The following SLC25A48 variants were observed in gnomAD, a reference collection of about 807,000 sequenced individuals.
The protein encoded by SLC25A48 is CTC-321K16.1.
In SLC25A48, 29 loss-of-function variants were observed where a neutral mutation model predicts 32.2. The observed-to-expected ratio is 0.90, with a 90% CI of 0.67 to 1.23. SLC25A48 has a LOEUF of 1.23. Among genes scored for constraint, SLC25A48 ranks in the 50% most tolerant of loss-of-function variants. The probability of loss-of-function intolerance (pLI) is 0.00; values close to 1 mark genes in which losing one functional copy is unlikely to be tolerated. For synonymous variants in SLC25A48, 164 were observed against 172.3 expected (o/e 0.95, Z 0.38); for missense variants, 399 against 422.7 (o/e 0.94, Z 0.49).
rs1481298172 is a variant in SLC25A48 at position 135,621,715 on chromosome 5, C to T, written c.-848-7522C>T. Among the ~76,000 whole-genome samples, 4 of 152,144 alleles carry T rather than the reference C, an allele frequency of 2.6e-5. No individual in the cohort carries two copies. The East Asian group carries it at 7.7e-4, about 29-fold the overall frequency. Reference sequence around the variant, plus strand: ...ACTAAAAAAAAAAATTAGGTTCTTTCACTATATCGGTGTTTTTCAAAGGTG... The same window carrying T: ...ACTAAAAAAAAAAATTAGGTTCTTTTACTATATCGGTGTTTTTCAAAGGTG... On this transcript the variant is annotated intron_variant, in intron 1 of 10. Coordinates refer to the SLC25A48 transcript ENST00000646290.
intron 3 of SLC25A48, among the ~76,000 whole-genome samples, chr5:135,674,729 T>TA (rs1753728868): frequency 6.6e-6 from 1 of 152,084 alleles, no homozygotes; most frequent in Non-Finnish European, 1.5e-5. Context: ...ACATTTTCTT[T>TA]ATCCATTTGT....
intron 4 of SLC25A48, among the ~76,000 whole-genome samples, chr5:135,869,297 A>G (rs762325542): frequency 1.1e-4 from 16 of 152,250 alleles, no homozygotes; most frequent in Non-Finnish European, 1.9e-4. Context: ...AGTCACCATG[A>G]TAATTATACT....
chr5:135,778,888 G>A (rs1756644902), intron 3 of SLC25A48, among the ~76,000 whole-genome samples: 1 of 102,780 alleles, frequency 9.7e-6, no homozygotes, highest in African/African-American at 3.9e-5. Flanking sequence ...GGTGGTTGCA[G>A]GCTGGTATTA....
At chr5:135,878,918 C>G (rs540426845) in intron 6 of SLC25A48, among the ~76,000 whole-genome samples, 1 of 152,276 alleles carries the variant, frequency 6.6e-6, no homozygotes, top group East Asian at 1.9e-4. Context: ...TCATCATTTT[C>G]TGGGTCATGT....
chr5:135,580,089 C>A (rs7716492), intron 1 of SLC25A48, among the ~76,000 whole-genome samples: 48,093 of 152,104 alleles, frequency 0.32, 8,709 homozygotes, highest in African/African-American at 0.49. Flanking sequence ...TGATTCTTAC[C>A]AATTGGTACT....
chr5:135,639,871 C>G (rs1752792685), intron 3 of SLC25A48, among the ~76,000 whole-genome samples: 1 of 152,168 alleles, frequency 6.6e-6, no homozygotes. Flanking sequence ...GATTCCCAAA[C>G]AGTGGGAACA....
At chr5:135,581,643 T>C (rs1751237236) in intron 1 of SLC25A48, among the ~76,000 whole-genome samples, 1 of 152,252 alleles carries the variant, frequency 6.6e-6, no homozygotes, top group Non-Finnish European at 1.5e-5. Flanking sequence ...TCTAGAAATA[T>C]GGACCAACGT....
intron 2 of SLC25A48, among the ~76,000 whole-genome samples, chr5:135,634,586 A>G (rs1279163917): frequency 1.3e-5 from 2 of 152,202 alleles, no homozygotes; most frequent in African/African-American, 4.8e-5. Context: ...GCATTGGAAG[A>G]TTTTTGAGAA....
At chr5:135,828,511 T>G (rs1463314379) in intron 4 of SLC25A48, among the ~76,000 whole-genome samples, 5 of 152,182 alleles carry the variant, frequency 3.3e-5, no homozygotes, top group African/African-American at 1.2e-4. Context: ...TGCTCTCAGG[T>G]GCTGAGGAGG....
intron 3 of SLC25A48, among the ~76,000 whole-genome samples, chr5:135,731,033 G>A (rs1369056696): frequency 6.6e-6 from 1 of 152,214 alleles, no homozygotes; most frequent in East Asian, 1.9e-4. Flanking sequence ...CACAAAACAG[G>A]CTTTGTGTGA....
At chr5:135,846,554 C>T (rs1269059960) in intron 2 of SLC25A48, among the ~76,000 whole-genome samples, 1 of 152,192 alleles carries the variant, frequency 6.6e-6, no homozygotes, top group African/African-American at 2.4e-5. Context: ...ACCTCTGACA[C>T]TGAGCACTCA....
intron 7 of SLC25A48, among the ~76,000 whole-genome samples, chr5:135,880,999 T>A (rs1218608460): frequency 6.6e-6 from 1 of 151,438 alleles, no homozygotes; most frequent in Non-Finnish European, 1.5e-5. Flanking sequence ...CAGGTGGGGC[T>A]GCTGCGCTGT....
chr5:135,667,571 C>A (rs187951195), intron 3 of SLC25A48, among the ~76,000 whole-genome samples: 1 of 152,194 alleles, frequency 6.6e-6, no homozygotes, highest in East Asian at 1.9e-4. Context: ...ACCCCCTACT[C>A]CCTTCCCTCT....
At chr5:135,772,359 A>G (rs1034426125) in intron 3 of SLC25A48, among the ~76,000 whole-genome samples, 1 of 150,652 alleles carries the variant, frequency 6.6e-6, no homozygotes, top group African/African-American at 2.4e-5. Context: ...ATTACTCCCA[A>G]TATGCAGGGT....
At chr5:135,767,154 G>A (rs978754890) in intron 3 of SLC25A48, among the ~76,000 whole-genome samples, 7 of 147,268 alleles carry the variant, frequency 4.8e-5, no homozygotes, top group African/African-American at 1.8e-4. Flanking sequence ...GGGGCAGAGG[G>A]TTATATTGCT....
At chr5:135,665,857 G>T (rs1753512517) in intron 3 of SLC25A48, among the ~76,000 whole-genome samples, 1 of 151,972 alleles carries the variant, frequency 6.6e-6, no homozygotes, top group Admixed American at 6.6e-5. Context: ...TGAAATGTGG[G>T]CTCTTTCTCT....
At chr5:135,719,335 T>C (rs985251940) in intron 3 of SLC25A48, among the ~76,000 whole-genome samples, 1 of 152,140 alleles carries the variant, frequency 6.6e-6, no homozygotes, top group African/African-American at 2.4e-5. Context: ...GGCCCACTAG[T>C]GTACCAGAGG....
intron 3 of SLC25A48, among the ~76,000 whole-genome samples, chr5:135,776,273 TGG>T (rs1270022553): frequency 3.2e-5 from 4 of 124,290 alleles, no homozygotes; most frequent in Middle Eastern, 4.8e-3. Flanking sequence ...ATCTGGGGGG[TGG>T]GGGGCAGAGA....
chr5:135,585,294 G>A (rs745895350), intron 1 of SLC25A48, among the ~76,000 whole-genome samples: 6 of 152,160 alleles, frequency 3.9e-5, no homozygotes, highest in African/African-American at 7.2e-5. Context: ...TGCAGGCACC[G>A]CCAAGTCCTG....
Sources: allele counts gnomAD v4.1 joint callset (sites outside exome capture counted in the v4.1 genomes callset), GRCh38; gene constraint gnomAD v4.1.1; transcripts MANE v1.5; gene names NCBI Gene and HGNC (gene_info 2026-07-23, HGNC 2026-07-21).